Variants in SLC30A9 observed in about 807,000 individuals in gnomAD.
The protein encoded by SLC30A9 is proton-coupled zinc antiporter SLC30A9, mitochondrial.
Under a neutral mutation model 87.5 loss-of-function variants are expected in SLC30A9, and 58 were observed. The observed-to-expected ratio is 0.66, with a 90% CI of 0.54 to 0.82. The LOEUF is 0.82. Ranked by LOEUF, SLC30A9 falls within the 40% of genes least tolerant of loss-of-function variation. The pLI, the probability that SLC30A9 is intolerant of heterozygous loss-of-function variation, is 0.00. For missense variants in SLC30A9, 557 were observed against 679.1 expected (o/e 0.82, Z 2.00); for synonymous variants, 234 against 233.0 (o/e 1.00, Z -0.04).
At chr4:42,029,256 C>A in intron 6 of SLC30A9, 1 of 459,522 alleles carries the variant, frequency 2.2e-6, no homozygotes, top group East Asian at 5.5e-5. Flanking sequence ...AGAAATTCTT[C>A]TGGAACTCAG....
intron 9 of SLC30A9, among the ~76,000 whole-genome samples, chr4:42,050,247 A>C (rs1249297093): frequency 1.3e-5 from 2 of 152,188 alleles, no homozygotes; most frequent in Non-Finnish European, 2.9e-5. Context: ...AAGTAAGGAA[A>C]GAAGACAAGC....
At chr4:42,047,874 A>T (rs190336854) in intron 8 of SLC30A9, among the ~76,000 whole-genome samples, 395 of 152,336 alleles carry the variant, frequency 2.6e-3, no homozygotes, top group Non-Finnish European at 3.5e-3. Flanking sequence ...TGGCACATAT[A>T]CACCATGGGA....
intron 2 of SLC30A9, among the ~76,000 whole-genome samples, chr4:42,010,523 T>C (rs975605571): frequency 3.9e-5 from 6 of 152,172 alleles, no homozygotes; most frequent in Admixed American, 3.3e-4. Flanking sequence ...CAGTATTTGG[T>C]CATTTTCCTA....
At chr4:42,066,497 A>T in intron 12 of SLC30A9, 53 bp from the exon 13 acceptor site, 1 of 1,169,898 alleles carries the variant, frequency 8.5e-7, no homozygotes. Context: ...GCCATCTTTA[A>T]AGTTTGGAGG....
At chr4:42,047,573 G>A (rs1717215959) in intron 8 of SLC30A9, among the ~76,000 whole-genome samples, 1 of 152,182 alleles carries the variant, frequency 6.6e-6, no homozygotes, top group African/African-American at 2.4e-5. Context: ...TAAAAGTCAG[G>A]AAACAGCAGA....
Position 42,076,739 on chromosome 4 carries a change from G to T in SLC30A9, c.1548+953G>T, listed in dbSNP as rs372086712. Among the ~76,000 whole-genome samples, 5 of 151,926 alleles carry T rather than the reference G, an allele frequency of 3.3e-5. No homozygotes were observed. In the East Asian group the frequency reaches 9.6e-4, roughly 29 times the overall value. On this transcript the variant is annotated intron_variant, in intron 16 of 17. Coordinates refer to ENST00000264451, the MANE Select transcript of SLC30A9 (RefSeq NM_006345.4). ...AGCACTTTGGGAGGCCGAGGTGGGC[G>T]GATCACGAGGTCAAGAGATCGATCC...
At chr4:42,041,892 G>A (rs1402925159) in intron 8 of SLC30A9, among the ~76,000 whole-genome samples, 1 of 152,198 alleles carries the variant, frequency 6.6e-6, no homozygotes, top group Non-Finnish European at 1.5e-5. Flanking sequence ...CAGACAGTGG[G>A]TGCAGCCCAT....
Position 42,075,785 on chromosome 4 carries a change from A to C in SLC30A9, c.1547A>C (p.Gln516Pro). Residue 516 changes from glutamine to proline, a missense_variant and splice_region_variant, in exon 16 of 18, where the codon CAA becomes CCA. Coordinates refer to ENST00000264451, the MANE Select transcript of SLC30A9 (RefSeq NM_006345.4). ...AAACAAGATTTTGACCAAATGTTACAAGTAAGTTTATTTGTTGTTTTCTTA... is the reference window on the plus strand; with the variant it reads ...AAACAAGATTTTGACCAAATGTTACCAGTAAGTTTATTTGTTGTTTTCTTA... ...LEKQDFDQML[Q>P]EIQEVKTPEE... is the part of the protein sequence containing the mutation. The C allele has an allele frequency of 1.2e-6, 2 of 1,609,446 alleles. No homozygotes were observed. Among genetic ancestry groups the C allele is most frequent in the Non-Finnish European group, 1.7e-6 (2 of 1,176,844 alleles).
At chr4:42,029,945 C>T in intron 6 of SLC30A9, 1 of 836,564 alleles carries the variant, frequency 1.2e-6, no homozygotes. Context: ...AGAATTATCC[C>T]TACTATGGCA....
At chr4:42,054,583 C>T (rs542792952) in intron 9 of SLC30A9, among the ~76,000 whole-genome samples, 16 of 151,844 alleles carry the variant, frequency 1.1e-4, no homozygotes, top group Non-Finnish European at 2.2e-4. Context: ...CTCCGCCTCC[C>T]AGGTTCACAC....
chr4:41,997,613 A>C (rs2153132414), intron 1 of SLC30A9, among the ~76,000 whole-genome samples: 1 of 152,308 alleles, frequency 6.6e-6, no homozygotes, highest in African/African-American at 2.4e-5. Context: ...TTGTTATTAA[A>C]AGTTTTTAAT....
intron 4 of SLC30A9, among the ~76,000 whole-genome samples, chr4:42,022,421 G>A (rs13130229): frequency 0.61 from 91,559 of 150,774 alleles, 33,125 homozygotes; most frequent in East Asian, 0.96. Context: ...TAGTAGAGAC[G>A]GGGTTTCACC....
rs923588581 is a variant in SLC30A9, at chr4:42,029,787, G to A, written c.611-5488G>A. 3.8e-4 allele frequency: 282 copies of A among 732,760 alleles called. 1 individual carries two copies. Among genetic ancestry groups the A allele is most frequent in the Non-Finnish European group, 4.9e-5 (19 of 388,634 alleles). The allele number at this position is 732,760 out of a possible 1,614,324, so 45.4% of individuals were successfully genotyped here. A position where few individuals can be genotyped will look rare whatever the true frequency, so the allele number is the denominator to read the frequency against. ...TCTAGGCTTCAAACCTAAGTCTCCC[G>A]AGAATGAGTCCTTGGAGACTTACCC... On this transcript the variant is annotated intron_variant, in intron 6 of 17. Coordinates refer to ENST00000264451, the MANE Select transcript of SLC30A9 (RefSeq NM_006345.4).
intron 6 of SLC30A9, chr4:42,029,292 T>C (rs3827589): frequency 0.75 from 358,676 of 476,648 alleles, 140,932 homozygotes; most frequent in East Asian, 0.97. Context: ...TAGGCAGGAC[T>C]GGTGGCAGTT....
At chr4:42,012,173 A>T (rs1715472031) in intron 2 of SLC30A9, among the ~76,000 whole-genome samples, 1 of 152,216 alleles carries the variant, frequency 6.6e-6, no homozygotes, top group South Asian at 2.1e-4. Flanking sequence ...TAGAGACACC[A>T]CAGATTTAAA....
At chr4:42,078,423 CT>C in intron 17 of SLC30A9, 98 bp downstream of exon 17, 1 of 646,812 alleles carries the variant, frequency 1.5e-6, no homozygotes. Flanking sequence ...CACATGCATG[CT>C]TTAACCCACT....
chr4:42,027,405 A>G (rs1192050155), intron 6 of SLC30A9, among the ~76,000 whole-genome samples: 1 of 152,032 alleles, frequency 6.6e-6, no homozygotes, highest in Non-Finnish European at 1.5e-5. Flanking sequence ...CTCAGTTACA[A>G]TTCAGTAACA....
intron 9 of SLC30A9, among the ~76,000 whole-genome samples, chr4:42,050,121 G>A (rs1717327260): frequency 6.6e-6 from 1 of 152,068 alleles, no homozygotes; most frequent in Non-Finnish European, 1.5e-5. Flanking sequence ...GAATATTTAA[G>A]ACAAGGATAA....
intron 17 of SLC30A9, among the ~76,000 whole-genome samples, chr4:42,083,132 A>C (rs528032611): frequency 6.6e-6 from 1 of 152,254 alleles, no homozygotes; most frequent in African/African-American, 2.4e-5. Flanking sequence ...AGCATTCATA[A>C]ATTCCTTATA....
Sources: gnomAD v4.1 joint callset for allele counts (sites outside exome capture counted in the v4.1 genomes callset) on GRCh38, gnomAD v4.1.1 for gene constraint, MANE v1.5 for transcripts, NCBI Gene and HGNC (gene_info 2026-07-23, HGNC 2026-07-21) for gene names.